Variants in PRDM4 observed in about 807,000 individuals in gnomAD.
PRDM4 encodes the protein PR domain zinc finger protein 4.
In PRDM4, 38 loss-of-function variants were observed where a neutral mutation model predicts 62.3. The observed-to-expected ratio is 0.61, with a 90% CI of 0.47 to 0.80. The LOEUF (loss-of-function observed/expected upper bound fraction) is 0.80, where lower values mean the gene tolerates loss of function less well. Ranked by LOEUF, PRDM4 falls within the 30% of genes least tolerant of loss-of-function variation. PRDM4 has a pLI of 0.00. For missense variants in PRDM4, 858 were observed against 997.1 expected (o/e 0.86, Z 1.88); for synonymous variants, 339 against 348.2 (o/e 0.97, Z 0.30).
intron 2 of PRDM4, 98 bp downstream of exon 2, chr12:107,760,407 T>C: frequency 6.6e-7 from 1 of 1,506,312 alleles, no homozygotes. Context: ...ACCTGTAACC[T>C]TCTCAATGGC....
chr12:107,757,082 T>G (rs1171578305), intron 2 of PRDM4, 117 bp from the exon 3 acceptor site: 2 of 1,016,140 alleles, frequency 2.0e-6, no homozygotes, highest in Non-Finnish European at 2.9e-6. Context: ...CAACTATTAG[T>G]TCACTTTTAC....
intron 3 of PRDM4, among the ~76,000 whole-genome samples, chr12:107,755,823 A>C (rs1303460308): frequency 1.3e-5 from 2 of 152,178 alleles, no homozygotes; most frequent in Non-Finnish European, 2.9e-5. Context: ...GGTGGCTCAC[A>C]CCTAAAATCC....
chr12:107,754,650 G>A (rs1385215712), intron 3 of PRDM4, among the ~76,000 whole-genome samples: 3 of 151,974 alleles, frequency 2.0e-5, no homozygotes, highest in South Asian at 2.1e-4. Context: ...CCCAAAGTGC[G>A]GGGATTGCCA....
chr12:107,746,027 C>T lies in PRDM4; in HGVS notation c.1276+248G>A, dbSNP rs538671707. 3.3e-5 allele frequency among the ~76,000 whole-genome samples: 5 copies of T among 152,282 alleles called. No homozygotes were observed. In the South Asian group the frequency reaches 1.0e-3, roughly 32 times the overall value. On this transcript the variant is annotated intron_variant, in intron 6 of 11. Transcript: ENST00000228437. ...AGAATAAAAGTTAAATCTTCAAAGA[C>T]TCAGTCTAGGATTTTTTGCTTTACT... is the stretch of plus-strand genomic sequence containing the variant.
chr12:107,741,569 A>G (rs1037492658), intron 9 of PRDM4, among the ~76,000 whole-genome samples: 1 of 152,002 alleles, frequency 6.6e-6, no homozygotes, highest in Non-Finnish European at 1.5e-5. Context: ...CTTAAAAATC[A>G]TTGGCTGGGC....
intron 5 of PRDM4, 60 bp downstream of exon 5, chr12:107,751,355 G>A (rs1019201021): frequency 1.5e-5 from 23 of 1,495,874 alleles, no homozygotes; most frequent in Middle Eastern, 3.7e-4. Flanking sequence ...GACTTAACTT[G>A]TTAGGGATGG....
intron 11 of PRDM4, among the ~76,000 whole-genome samples, chr12:107,735,125 C>G (rs1048666543): frequency 6.6e-6 from 1 of 152,158 alleles, no homozygotes; most frequent in African/African-American, 2.4e-5. Flanking sequence ...CTCAGCCTCC[C>G]AAGTACCTGG....
chr12:107,757,378 T>A (rs1170589839), intron 2 of PRDM4, among the ~76,000 whole-genome samples: 1 of 152,244 alleles, frequency 6.6e-6, no homozygotes, highest in Non-Finnish European at 1.5e-5. Flanking sequence ...CAGCGCATTT[T>A]AACCTACTCA....
intron 4 of PRDM4, among the ~76,000 whole-genome samples, chr12:107,753,606 A>G (rs887864173): frequency 3.3e-5 from 5 of 152,208 alleles, no homozygotes; most frequent in Non-Finnish European, 7.3e-5. Flanking sequence ...ACATGACACT[A>G]TAACAAGACA....
chr12:107,749,526 A>G (rs919979057), intron 5 of PRDM4, among the ~76,000 whole-genome samples: 5 of 151,324 alleles, frequency 3.3e-5, no homozygotes, highest in African/African-American at 9.7e-5. Context: ...GAGCCAACAC[A>G]TGGCCTTCTC....
intron 6 of PRDM4, among the ~76,000 whole-genome samples, chr12:107,745,151 G>GT (rs1214462662): frequency 1.3e-5 from 2 of 152,120 alleles, no homozygotes; most frequent in Non-Finnish European, 2.9e-5. Flanking sequence ...TATATAAAAT[G>GT]TAATGAACAG....
At chr12:107,754,222 C>T (rs1018538060) in intron 3 of PRDM4, 113 bp from the exon 4 acceptor site, 3 of 732,814 alleles carry the variant, frequency 4.1e-6, no homozygotes, top group Admixed American at 6.2e-5. Flanking sequence ...AAAAATCTCA[C>T]CTACTAGCCC....
At chr12:107,754,405 C>T (rs1365857162) in intron 3 of PRDM4, among the ~76,000 whole-genome samples, 22 of 152,202 alleles carry the variant, frequency 1.4e-4, no homozygotes, top group South Asian at 2.1e-4. Context: ...TGATTTGAGA[C>T]GGAGTCTTGC....
At chr12:107,742,608 A>C (rs1274270129) in intron 8 of PRDM4, 1 of 437,268 alleles carries the variant, frequency 2.3e-6, no homozygotes, top group Non-Finnish European at 4.1e-6. Context: ...AGATAAATAA[A>C]ATGAAGTCTT....
In PRDM4 at chr12:107,750,702, A is replaced by C. The variant is rs79214838; in HGVS notation, c.1126+713T>G. Among the ~76,000 whole-genome samples, 72 of 152,268 alleles carry C rather than the reference A, an allele frequency of 4.7e-4. 1 individual carries two copies. In the East Asian group the frequency reaches 0.013, roughly 28 times the overall value. On this transcript the variant is annotated intron_variant, in intron 5 of 11. Transcript: ENST00000228437. Reference sequence around the variant, plus strand: ...TATATGCACTCTGAGCAAAGAAAAAAATTGGTTTATATCCACCTACATTTT... The same window carrying C: ...TATATGCACTCTGAGCAAAGAAAAACATTGGTTTATATCCACCTACATTTT...
intron 5 of PRDM4, among the ~76,000 whole-genome samples, chr12:107,750,704 T>A (rs1308446277): frequency 6.6e-6 from 1 of 152,088 alleles, no homozygotes; most frequent in Non-Finnish European, 1.5e-5. Context: ...AAGAAAAAAA[T>A]TGGTTTATAT....
At chr12:107,746,948 C>T (rs1394351914) in intron 5 of PRDM4, among the ~76,000 whole-genome samples, 2 of 151,718 alleles carry the variant, frequency 1.3e-5, no homozygotes, top group Non-Finnish European at 2.9e-5. Context: ...TCTTTTGATC[C>T]AACAGGACAA....
At chr12:107,736,255 G>A (rs11113457) in intron 11 of PRDM4, among the ~76,000 whole-genome samples, 45,066 of 152,124 alleles carry the variant, frequency 0.3, 8,247 homozygotes, top group Middle Eastern at 0.43. Context: ...AATGTGTAAC[G>A]TGGTATCATA....
At chr12:107,753,075 G>C (rs1392004063) in intron 4 of PRDM4, among the ~76,000 whole-genome samples, 3 of 152,230 alleles carry the variant, frequency 2.0e-5, no homozygotes, top group South Asian at 2.1e-4. Context: ...CAATCGTATA[G>C]AAAGTATGGT....
Sources: gnomAD v4.1 joint callset for allele counts (sites outside exome capture counted in the v4.1 genomes callset) on GRCh38, gnomAD v4.1.1 for gene constraint, MANE v1.5 for transcripts, NCBI Gene and HGNC (gene_info 2026-07-23, HGNC 2026-07-21) for gene names.